PAPPA: variants seen among roughly 807,000 people sequenced by gnomAD.
The protein encoded by PAPPA is pappalysin-1.
In PAPPA, 60 loss-of-function variants were observed where a neutral mutation model predicts 164.0. That is an observed-to-expected ratio of 0.37 (90% confidence interval 0.30 to 0.45). The LOEUF is 0.45. PAPPA is among the 20% of genes least tolerant of loss of function. The probability of loss-of-function intolerance (pLI) is 1.00; values close to 1 mark genes in which losing one functional copy is unlikely to be tolerated. For synonymous variants in PAPPA, 875 were observed against 814.1 expected (o/e 1.07, Z -1.27); for missense variants, 1,782 against 2,087.3 (o/e 0.85, Z 2.85).
At chr9:116,179,360 G>A (rs1587940279) in intron 1 of PAPPA, among the ~76,000 whole-genome samples, 1 of 152,160 alleles carries the variant, frequency 6.6e-6, no homozygotes, top group Non-Finnish European at 1.5e-5. Flanking sequence ...AGGAAATCTG[G>A]TCCTCCTCCT....
intron 1 of PAPPA, among the ~76,000 whole-genome samples, chr9:116,175,799 A>G (rs1373442354): frequency 2.6e-5 from 4 of 152,206 alleles, no homozygotes; most frequent in African/African-American, 9.6e-5. Flanking sequence ...GGAGAGTACC[A>G]TTGGAGGTTG....
intron 7 of PAPPA, among the ~76,000 whole-genome samples, chr9:116,247,682 C>T (rs1195937298): frequency 1.3e-5 from 2 of 152,014 alleles, no homozygotes; most frequent in African/African-American, 4.8e-5. Context: ...ATTTATCTCA[C>T]ACTGGGCATT....
At chr9:116,156,202 C>T (rs1316962689) in intron 1 of PAPPA, among the ~76,000 whole-genome samples, 3 of 149,506 alleles carry the variant, frequency 2.0e-5, no homozygotes, top group Admixed American at 6.7e-5. Context: ...GAGGAGAGCA[C>T]AGGGTTATGC....
At chr9:116,334,024 G>T (rs554330015) in intron 12 of PAPPA, among the ~76,000 whole-genome samples, 1 of 152,088 alleles carries the variant, frequency 6.6e-6, no homozygotes, top group East Asian at 1.9e-4. Context: ...ACCATTTTTT[G>T]GATGTGAAAA....
intron 2 of PAPPA, among the ~76,000 whole-genome samples, chr9:116,204,738 A>G (rs1003648055): frequency 2.0e-5 from 3 of 152,144 alleles, no homozygotes; most frequent in African/African-American, 7.2e-5. Flanking sequence ...AGTACATTTG[A>G]CCAATTTACG....
intron 10 of PAPPA, among the ~76,000 whole-genome samples, chr9:116,323,337 A>G (rs1242928097): frequency 6.6e-6 from 1 of 152,124 alleles, no homozygotes. Flanking sequence ...AGTCACCACC[A>G]GACATCCTGG....
chr9:116,192,368 G>A lies in PAPPA; in HGVS notation c.1478+4152G>A, dbSNP rs1474539980. 2.0e-5 allele frequency among the ~76,000 whole-genome samples: 3 copies of A among 152,186 alleles called. No individual in the cohort carries two copies. In the East Asian group the frequency reaches 5.8e-4, roughly 29 times the overall value. On this transcript the variant is annotated intron_variant, in intron 2 of 21. Transcript: ENST00000328252. ...GCATGGAGTTTAAGGGGTTATTATG[G>A]CTGAGATCCAGACCATGAGCAGAGA...
At chr9:116,391,789 A>G (rs1362825468) in intron 21 of PAPPA, among the ~76,000 whole-genome samples, 1 of 152,218 alleles carries the variant, frequency 6.6e-6, no homozygotes. Flanking sequence ...GGTGCTGAGA[A>G]TCCCCAAATG....
At chr9:116,367,793 G>A (rs777501264) in intron 19 of PAPPA, 39 bp downstream of exon 19, 1 of 1,364,852 alleles carries the variant, frequency 7.3e-7, no homozygotes, top group African/African-American at 1.4e-5. Flanking sequence ...GCAGCTAAGG[G>A]GGAGGGAAAT....
intron 4 of PAPPA, among the ~76,000 whole-genome samples, chr9:116,215,596 T>A (rs1278373416): frequency 2.0e-5 from 3 of 151,928 alleles, no homozygotes; most frequent in African/African-American, 7.3e-5. Flanking sequence ...TATTGAAGTG[T>A]GGAGAGTGGT....
At chr9:116,177,779 A>G (rs1234309785) in intron 1 of PAPPA, among the ~76,000 whole-genome samples, 1 of 152,150 alleles carries the variant, frequency 6.6e-6, no homozygotes, top group Non-Finnish European at 1.5e-5. Context: ...TCCTTAGTCC[A>G]CCAGGATCTG....
intron 10 of PAPPA, among the ~76,000 whole-genome samples, chr9:116,327,406 T>C (rs561816089): frequency 6.6e-6 from 1 of 151,998 alleles, no homozygotes; most frequent in Non-Finnish European, 1.5e-5. Context: ...CCAGTGTCAC[T>C]GAAGAAACTG....
intron 7 of PAPPA, among the ~76,000 whole-genome samples, chr9:116,236,118 C>T (rs1844662123): frequency 6.6e-6 from 1 of 152,100 alleles, no homozygotes; most frequent in Non-Finnish European, 1.5e-5. Context: ...GGTATTTGCA[C>T]AAAAATTGTG....
rs747267701 is a variant in PAPPA at position 116,397,767 on chromosome 9, A to G, written c.*1151A>G. The G allele has an allele frequency of 2.0e-5, 3 of 152,646 alleles. No homozygotes were observed. Among genetic ancestry groups the G allele is most frequent in the Non-Finnish European group, 2.9e-5 (2 of 68,050 alleles). The allele number at this position is 152,646 out of a possible 1,614,324, so 9.5% of individuals were successfully genotyped here. A position where few individuals can be genotyped will look rare whatever the true frequency, so the allele number is the denominator to read the frequency against. On this transcript the variant is annotated 3_prime_UTR_variant, in exon 22 of 22. Coordinates refer to ENST00000328252, the MANE Select transcript of PAPPA (RefSeq NM_002581.5). ...ACAAGTGGAACAGTGTTAAATTTCT[A>G]TGATGTTGGAGCCATCCAGAGACTA...
At chr9:116,249,886 A>C (rs1844839165) in intron 7 of PAPPA, among the ~76,000 whole-genome samples, 1 of 152,204 alleles carries the variant, frequency 6.6e-6, no homozygotes, top group African/African-American at 2.4e-5. Flanking sequence ...GCAGGCATAC[A>C]GGGCAGTTCA....
intron 9 of PAPPA, among the ~76,000 whole-genome samples, chr9:116,283,372 G>A (rs541992275): frequency 6.6e-6 from 1 of 152,112 alleles, no homozygotes; most frequent in Non-Finnish European, 1.5e-5. Flanking sequence ...ATAAGACCAG[G>A]TTTGACACTC....
At chr9:116,333,604 T>C (rs546092730) in intron 12 of PAPPA, among the ~76,000 whole-genome samples, 1 of 152,208 alleles carries the variant, frequency 6.6e-6, no homozygotes, top group Non-Finnish European at 1.5e-5. Flanking sequence ...TTTCTTGTTT[T>C]GTTTTTATGC....
At chr9:116,393,093 G>A (rs376228729) in intron 21 of PAPPA, among the ~76,000 whole-genome samples, 58 of 152,258 alleles carry the variant, frequency 3.8e-4, no homozygotes, top group African/African-American at 1.4e-3. Context: ...TGCCAAGACC[G>A]GCCTGAGAAG....
In PAPPA at chr9:116,351,485, G is replaced by A. The variant is rs147087098; in HGVS notation, c.3965-1221G>A. On this transcript the variant is annotated intron_variant, in intron 15 of 21. Coordinates refer to ENST00000328252, the MANE Select transcript of PAPPA (RefSeq NM_002581.5). ...ATTTCATCTTCTCAGCACCCTGAAA[G>A]GCAGAAGCAATTGTTTGCTTTCCAC... Among the ~76,000 whole-genome samples, 411 of 152,290 alleles carry A rather than the reference G, an allele frequency of 2.7e-3. 2 individuals carry two copies. The highest frequency in any genetic ancestry group is 9.3e-3 in the African/African-American group (386 of 41,572).
Sources: gnomAD v4.1 joint callset for allele counts (sites outside exome capture counted in the v4.1 genomes callset) on GRCh38, gnomAD v4.1.1 for gene constraint, MANE v1.5 for transcripts, NCBI Gene and HGNC (gene_info 2026-07-23, HGNC 2026-07-21) for gene names.